STPG2: variants seen among roughly 807,000 people sequenced by gnomAD.
The protein encoded by STPG2 is sperm-tail PG-rich repeat-containing protein 2.
A neutral mutation model predicts 54.2 loss-of-function variants in STPG2; 56 were observed. The observed-to-expected ratio is 1.03, with a 90% CI of 0.83 to 1.29. STPG2 has a LOEUF of 1.29. Among genes scored for constraint, STPG2 ranks in the 50% most tolerant of loss-of-function variants. STPG2 has a pLI of 0.00. For synonymous variants in STPG2, 200 were observed against 181.8 expected, an observed-to-expected ratio of 1.10 and a Z score of -0.81; for missense variants, 596 against 544.9, an observed-to-expected ratio of 1.09 and a Z score of -0.93.
At chr4:97,709,874 A>C (rs1724059247) in intron 10 of STPG2, among the ~76,000 whole-genome samples, 1 of 151,916 alleles carries the variant, frequency 6.6e-6, no homozygotes, top group Non-Finnish European at 1.5e-5. Context: ...CAATGAGGAA[A>C]AATTTATGTC....
intron 2 of STPG2, among the ~76,000 whole-genome samples, chr4:98,132,007 G>C (rs1366076244): frequency 6.6e-6 from 1 of 151,988 alleles, no homozygotes; most frequent in Non-Finnish European, 1.5e-5. Context: ...ATTTTGTCTT[G>C]AATTAGCAGC....
chr4:97,926,989 G>A (rs1327280281), intron 8 of STPG2, among the ~76,000 whole-genome samples: 1 of 152,034 alleles, frequency 6.6e-6, no homozygotes, highest in Non-Finnish European at 1.5e-5. Flanking sequence ...GGTACGTCTT[G>A]TTATCCTTAC....
At position 97,617,956 on chromosome 4, in the gene STPG2, T is replaced by G. The variant is rs191684686; in HGVS notation, c.1321-58839A>C. Among the ~76,000 whole-genome samples the G allele has an allele frequency of 2.1e-3, 325 of 152,282 alleles. 1 individual carries two copies. Among genetic ancestry groups the G allele is most frequent in the Non-Finnish European group, 2.9e-3 (197 of 68,012 alleles). ...TTTGTTGAATCAGCATTGATGGCAGTTAATCTTTATTGTAAAAGTCTAGAC... is the reference window on the plus strand; with the variant it reads ...TTTGTTGAATCAGCATTGATGGCAGGTAATCTTTATTGTAAAAGTCTAGAC... On this transcript the variant is annotated intron_variant, in intron 10 of 10. Transcript: ENST00000295268.
At chr4:97,997,790 T>C (rs1022036024) in intron 5 of STPG2, among the ~76,000 whole-genome samples, 2 of 152,084 alleles carry the variant, frequency 1.3e-5, no homozygotes, top group African/African-American at 4.8e-5. Context: ...TTCTCACTTG[T>C]AAGTGAGAGG....
intron 5 of STPG2, among the ~76,000 whole-genome samples, chr4:98,086,055 G>A (rs783942): frequency 0.86 from 130,674 of 152,014 alleles, 56,308 homozygotes; most frequent in Middle Eastern, 0.97. Flanking sequence ...AAATGAATGT[G>A]TATCAGTGGA....
chr4:98,052,323 C>A (rs956401690), intron 5 of STPG2, among the ~76,000 whole-genome samples: 2 of 152,046 alleles, frequency 1.3e-5, no homozygotes, highest in African/African-American at 4.8e-5. Flanking sequence ...CTTATCAAGT[C>A]AAAGCTAATA....
At chr4:98,096,834 T>G (rs1321122114) in intron 5 of STPG2, among the ~76,000 whole-genome samples, 1 of 152,148 alleles carries the variant, frequency 6.6e-6, no homozygotes, top group Admixed American at 6.6e-5. Flanking sequence ...GGATCATTAG[T>G]GGCTACTATG....
rs545878534 is a variant in STPG2, at chr4:97,525,448, G to A, written c.462+187251C>T. Among the ~76,000 whole-genome samples, 23 of 151,998 alleles carry A rather than the reference G, an allele frequency of 1.5e-4. 1 individual carries two copies. Among genetic ancestry groups the A allele is most frequent in the Admixed American group, 1.2e-3 (19 of 15,218 alleles). ...TGACTCAGCAGCAGGAACAATAACT[G>A]TAAACCAAAGGCTATTGTAATCTAA... is the stretch of plus-strand genomic sequence containing the variant. On this transcript the variant is annotated intron_variant, in intron 4 of 4. Coordinates refer to the STPG2 transcript ENST00000522676.
intron 4 of STPG2, among the ~76,000 whole-genome samples, chr4:97,480,824 A>G (rs1467624550): frequency 1.3e-5 from 2 of 151,568 alleles, no homozygotes; most frequent in Non-Finnish European, 3.0e-5. Flanking sequence ...CAATCTGAAT[A>G]AACTATATGT....
intron 4 of STPG2, among the ~76,000 whole-genome samples, chr4:97,473,066 T>C (rs994341723): frequency 2.1e-4 from 32 of 152,306 alleles, no homozygotes; most frequent in Admixed American, 1.9e-3. Context: ...CTCTTAATCC[T>C]GTCATCTCGT....
intron 10 of STPG2, among the ~76,000 whole-genome samples, chr4:97,580,801 A>T (rs149635558): frequency 6.6e-6 from 1 of 152,010 alleles, no homozygotes; most frequent in South Asian, 2.1e-4. Flanking sequence ...TTTTTCAGGT[A>T]TGTTGATGAA....
intron 7 of STPG2, among the ~76,000 whole-genome samples, chr4:97,970,767 A>T (rs983304696): frequency 6.6e-6 from 1 of 152,236 alleles, no homozygotes; most frequent in African/African-American, 2.4e-5. Flanking sequence ...CTTCATGTCT[A>T]AAACACCAAA....
At chr4:97,542,113 T>G (rs1276811854) in intron 4 of STPG2, among the ~76,000 whole-genome samples, 1 of 152,006 alleles carries the variant, frequency 6.6e-6, no homozygotes, top group Non-Finnish European at 1.5e-5. Context: ...AAGCCAAAAT[T>G]GACAAATGGG....
intron 10 of STPG2, among the ~76,000 whole-genome samples, chr4:97,701,834 G>A (rs546240371): frequency 8.5e-5 from 13 of 152,180 alleles, no homozygotes; most frequent in African/African-American, 2.2e-4. Flanking sequence ...CAGTAGCTAC[G>A]ACCACTTTGC....
intron 9 of STPG2, among the ~76,000 whole-genome samples, chr4:97,838,700 T>TA (rs1728705898): frequency 6.6e-6 from 1 of 151,508 alleles, no homozygotes. Flanking sequence ...CCTGGGCACC[T>TA]ACTAAATCTA....
chr4:97,779,461 T>C (rs1245893858), intron 9 of STPG2, among the ~76,000 whole-genome samples: 4 of 152,124 alleles, frequency 2.6e-5, no homozygotes, highest in Admixed American at 2.6e-4. Context: ...CTGATCGGTG[T>C]ACCTGAAAGT....
At position 97,680,830 on chromosome 4, in the gene STPG2, A is replaced by G. The variant is rs182204067; in HGVS notation, c.1320+31869T>C. On this transcript the variant is annotated intron_variant, in intron 10 of 10. Transcript: ENST00000295268. ...GCTGTTACCCATGAAGACCTGAATA[A>G]TAACAATATATAAAATGTGTTGCAT... Among the ~76,000 whole-genome samples, 235 of 152,086 alleles carry G rather than the reference A, an allele frequency of 1.5e-3. 1 individual carries two copies. Among genetic ancestry groups the G allele is most frequent in the African/African-American group, 5.4e-3 (225 of 41,522 alleles).
At chr4:97,775,194 A>C (rs1230825399) in intron 9 of STPG2, among the ~76,000 whole-genome samples, 1 of 152,314 alleles carries the variant, frequency 6.6e-6, no homozygotes, top group East Asian at 1.9e-4. Flanking sequence ...AAAGAGATGA[A>C]GGAAAGTAAA....
intron 4 of STPG2, among the ~76,000 whole-genome samples, chr4:97,471,180 G>A (rs971998194): frequency 2.0e-5 from 3 of 152,178 alleles, no homozygotes; most frequent in South Asian, 4.1e-4. Flanking sequence ...TTACCACTTA[G>A]TATATTTGGA....
Sources: gnomAD v4.1 joint callset for allele counts (sites outside exome capture counted in the v4.1 genomes callset) on GRCh38, gnomAD v4.1.1 for gene constraint, MANE v1.5 for transcripts, NCBI Gene and HGNC (gene_info 2026-07-23, HGNC 2026-07-21) for gene names.